WDR45: variants seen among roughly 807,000 people sequenced by gnomAD.
The protein encoded by WDR45 is WD repeat domain 45.
Under a neutral mutation model 27.3 loss-of-function variants are expected in WDR45, and 2 were observed. That is an observed-to-expected ratio of 0.07 (90% CI 0.03 to 0.23). The LOEUF (loss-of-function observed/expected upper bound fraction) is 0.23, where lower values mean the gene tolerates loss of function less well. Ranked by LOEUF, WDR45 falls within the 10% of genes least tolerant of loss-of-function variation. The probability of loss-of-function intolerance (pLI) is 1.00; values close to 1 mark genes in which losing one functional copy is unlikely to be tolerated. For synonymous variants in WDR45, 99 were observed against 119.2 expected (o/e 0.83, Z 1.11); for missense variants, 175 against 311.9 (o/e 0.56, Z 3.31).
intron 2 of WDR45, 32 bp downstream of exon 2, chrX:49,078,009 C>A (rs374598158): frequency 8.3e-7 from 1 of 1,210,430 alleles, no homozygotes; most frequent in African/African-American, 1.7e-5. Flanking sequence ...CTCGCTTCCT[C>A]CCACAAGGGT....
rs781972464 is a variant in WDR45, at chrX:49,074,881, A to G, written c.1005T>C (p.Tyr335=). The part of the protein sequence containing the change: ...AICVDGTFHK[Y]VFTPDGNCNR... ...TGCAGTTTCCATCAGGAGTGAAGAC[A>G]TATTTGTGGAAGGTCCCATCTACGC... Residue 335 remains tyrosine, a synonymous_variant, in exon 11 of 11, where the codon TAT becomes TAC. Transcript: ENST00000376372. 4.1e-6 allele frequency: 5 copies of G among 1,209,664 alleles called. No individual in the cohort carries two copies. In the South Asian group the frequency reaches 5.3e-5, roughly 13 times the overall value.
chrX:49,099,496 T>A (rs1401161707), intron 2 of WDR45, among the ~76,000 whole-genome samples: 1 of 111,039 alleles, frequency 9.0e-6, no homozygotes, highest in Admixed American at 9.7e-5. Context: ...GAACAATGTT[T>A]CTGGGGCGGG....
intron 2 of WDR45, among the ~76,000 whole-genome samples, chrX:49,097,580 G>C (rs1372711228): frequency 1.8e-5 from 2 of 109,242 alleles, no homozygotes; most frequent in Non-Finnish European, 3.8e-5. Flanking sequence ...TGCCCGCCTC[G>C]GCCTCCCAAA....
At position 49,098,495 on chromosome X, in the gene WDR45, T is replaced by TAA. The variant is rs57323906; in HGVS notation, c.-18+1708_-18+1709dup. Among the ~76,000 whole-genome samples the TAA allele has an allele frequency of 1.3e-3, 112 of 89,156 alleles. 1 individual carries two copies. The highest frequency in any genetic ancestry group is 1.8e-3 in the South Asian group (3 of 1,685). 77.4% of individuals were successfully genotyped at this position (89,156 alleles called of 115,157 possible). ...TGGACAACAGAAGGAGAACCTATCT[T>TAA]AAAAAAAAAAAGAAAAAAAAAAGGT... On this transcript the variant is annotated intron_variant, in intron 2 of 11. Transcript: ENST00000356463.
chrX:49,087,249 T>C (rs1409656915), intron 2 of WDR45, among the ~76,000 whole-genome samples: 1 of 109,396 alleles, frequency 9.1e-6, no homozygotes, highest in Non-Finnish European at 1.9e-5. Context: ...CCCAGCTACT[T>C]GGGAGGCTGA....
At chrX:49,086,705 C>T (rs1405863920) in intron 2 of WDR45, among the ~76,000 whole-genome samples, 2 of 110,540 alleles carry the variant, frequency 1.8e-5, no homozygotes, top group African/African-American at 3.3e-5. Context: ...GTGATTCTTC[C>T]GCTTCAGCCT....
At chrX:49,097,670 T>G (rs782107996) in intron 2 of WDR45, among the ~76,000 whole-genome samples, 1 of 106,075 alleles carries the variant, frequency 9.4e-6, no homozygotes, top group East Asian at 2.9e-4. Context: ...TTATTTTTTT[T>G]TTTGAGATGG....
intron 2 of WDR45, among the ~76,000 whole-genome samples, chrX:49,092,514 G>GA (rs1271108633): frequency 1.7e-4 from 19 of 109,380 alleles, no homozygotes; most frequent in East Asian, 1.7e-3. Flanking sequence ...CACATAGATA[G>GA]AAAAAAAAAT....
rs782454636 is a variant in WDR45, at chrX:49,075,706, G to C, written c.564C>G (p.Ile188Met). The change falls in exon 8 of 11, where the codon ATC (isoleucine) becomes ATG (methionine). Residue 188 changes from isoleucine (I) to methionine (M), a missense_variant. Transcript: ENST00000376372. ...AGGCTATGTCACTCTGATGTGCATT[G>C]ATCGTGAATGGAGCAGACGAGGTGC... ...KPGTSSAPFT[I>M]NAHQSDIACV... 8.3e-7 allele frequency: 1 copy of C among 1,210,816 alleles called. No individual in the cohort carries two copies. Among genetic ancestry groups the C allele is most frequent in the Non-Finnish European group, 1.1e-6 (1 of 895,066 alleles).
rs1217677914 is a variant in WDR45 at position 49,090,543 on chromosome X, A to AT, written c.-18+9661dup. Among the ~76,000 whole-genome samples the AT allele has an allele frequency of 1.5e-3, 156 of 106,856 alleles. No homozygotes were observed. In the South Asian group the frequency reaches 0.015, roughly 10 times the overall value. The allele number at this position is 106,856 out of a possible 115,157, so 92.8% of individuals were successfully genotyped here. ...GAACAAACCTGGTGAATCTCCAATA[A>AT]TTTTTTTTTTTGAGATGGAGTTTTT... On this transcript the variant is annotated intron_variant, in intron 2 of 11. Coordinates refer to the WDR45 transcript ENST00000356463.
intron 2 of WDR45, among the ~76,000 whole-genome samples, chrX:49,099,821 T>G (rs2065139401): frequency 2.1e-5 from 2 of 96,214 alleles, no homozygotes; most frequent in African/African-American, 3.6e-5. Context: ...AAACACACAG[T>G]GTTTCTTGGG....
rs782677534 is a variant in WDR45, at chrX:49,097,923, G to A, written c.-18+2282C>T. 1.2e-4 allele frequency among the ~76,000 whole-genome samples: 13 copies of A among 110,133 alleles called. No individual in the cohort carries two copies. The South Asian group carries it at 5.0e-3, about 43-fold the overall frequency. The stretch of plus-strand genomic sequence containing the variant: ...TCCACCTGCCTTGGCCTCCCAAAGT[G>A]CTGGGATTACAGGCACGAGCCACTG... On this transcript the variant is annotated intron_variant, in intron 2 of 11. Transcript: ENST00000356463.
intron 2 of WDR45, among the ~76,000 whole-genome samples, chrX:49,098,987 A>C (rs2065135728): frequency 8.9e-6 from 1 of 111,892 alleles, no homozygotes; most frequent in South Asian, 3.6e-4. Flanking sequence ...GTATTATACA[A>C]AAGTGAAGTA....
chrX:49,077,575 C>T lies in WDR45; in HGVS notation c.235+68G>A, dbSNP rs1476252893. 3.0e-6 allele frequency: 3 copies of T among 996,913 alleles called. No homozygotes were observed. In the African/African-American group the frequency reaches 5.7e-5, roughly 19 times the overall value. 82.2% of individuals were successfully genotyped at this position (996,913 alleles called of 1,213,427 possible). A position where few individuals can be genotyped will look rare whatever the true frequency, so the allele number is the denominator to read the frequency against. On this transcript the variant is annotated intron_variant, in intron 4 of 10. Coordinates refer to ENST00000376372, the MANE Select transcript of WDR45 (RefSeq NM_001029896.2). ...CTCTGACGTCTTCATCTGCCAGTAC[C>T]TTGGGGTGCCTGTGGGAGGCCAGGA...
At chrX:49,098,784 G>A (rs1372767194) in intron 2 of WDR45, among the ~76,000 whole-genome samples, 1 of 111,011 alleles carries the variant, frequency 9.0e-6, no homozygotes, top group African/African-American at 3.3e-5. Flanking sequence ...TCCAGCCTGG[G>A]TGACAAAGAA....
intron 2 of WDR45, among the ~76,000 whole-genome samples, chrX:49,087,273 C>T (rs1490930237): frequency 9.0e-6 from 1 of 110,691 alleles, no homozygotes; most frequent in East Asian, 2.9e-4. Context: ...ACGAGAATCT[C>T]TTCAACCCGG....
chrX:49,097,107 CTT>C (rs35680001), intron 2 of WDR45, among the ~76,000 whole-genome samples: 4 of 106,549 alleles, frequency 3.8e-5, no homozygotes, highest in East Asian at 2.9e-4. Flanking sequence ...CATTGAAGCA[CTT>C]TTTTTTTTTA....
At chrX:49,075,333 G>C (rs1557083938) in intron 9 of WDR45, 31 bp downstream of exon 9, 3 of 1,207,602 alleles carry the variant, frequency 2.5e-6, no homozygotes, top group Non-Finnish European at 3.4e-6. Context: ...AGGGGGACAG[G>C]GACACGGTAG....
At chrX:49,092,869 T>C (rs1399983348) in intron 2 of WDR45, among the ~76,000 whole-genome samples, 2 of 112,428 alleles carry the variant, frequency 1.8e-5, no homozygotes, top group African/African-American at 6.4e-5. Flanking sequence ...TCAACACAGT[T>C]TGGGAACTGC....
Sources: gnomAD v4.1 joint callset for allele counts (sites outside exome capture counted in the v4.1 genomes callset) on GRCh38, gnomAD v4.1.1 for gene constraint, MANE v1.5 for transcripts, NCBI Gene and HGNC (gene_info 2026-07-23, HGNC 2026-07-21) for gene names.